Variants in ZC3H12B observed in about 807,000 individuals in gnomAD.
The protein encoded by ZC3H12B is zinc finger CCCH-type containing 12B.
Under a neutral mutation model 43.9 loss-of-function variants are expected in ZC3H12B, and 7 were observed. The observed-to-expected ratio is 0.16, with a 90% confidence interval of 0.09 to 0.30. ZC3H12B has a LOEUF of 0.30. Ranked by LOEUF, ZC3H12B falls within the 10% of genes least tolerant of loss-of-function variation. ZC3H12B has a pLI of 1.00. For missense variants in ZC3H12B, 475 were observed against 670.2 expected (o/e 0.71, Z 3.22); for synonymous variants, 222 against 241.7 (o/e 0.92, Z 0.76).
At chrX:65,184,949 C>T in the ZC3H12B span, 1 of 111,442 alleles carries the variant, frequency 9.0e-6, no homozygotes, top group African/African-American at 3.3e-5. Flanking sequence ...GTATATATTA[C>T]TTTCTTCATT....
chrX:65,499,540 A>G (rs2068336528), intron 3 of ZC3H12B, among the ~76,000 whole-genome samples: 2 of 111,623 alleles, frequency 1.8e-5, no homozygotes, highest in South Asian at 7.6e-4. Context: ...AAGTTTACAG[A>G]TGGAGGAAAG....
the ZC3H12B span, among the ~76,000 whole-genome samples, chrX:65,166,277 G>C: frequency 9.0e-6 from 1 of 110,902 alleles, no homozygotes; most frequent in Non-Finnish European, 1.9e-5. Flanking sequence ...TCCAACCTAT[G>C]AGTGAGAACA....
chrX:65,094,312 A>G, the ZC3H12B span, among the ~76,000 whole-genome samples: 21 of 108,272 alleles, frequency 1.9e-4, no homozygotes, highest in Non-Finnish European at 3.6e-4. Context: ...CTTTATAGCA[A>G]TTCGAGTACT....
chrX:65,252,575 G>C, the ZC3H12B span, among the ~76,000 whole-genome samples: 10 of 111,838 alleles, frequency 8.9e-5, no homozygotes, highest in African/African-American at 3.2e-4. Context: ...CATCAAGCAA[G>C]TGGTAGGGCT....
chrX:65,059,066 G>C, the ZC3H12B span, among the ~76,000 whole-genome samples: 1 of 111,620 alleles, frequency 9.0e-6, no homozygotes, highest in Non-Finnish European at 1.9e-5. Flanking sequence ...CACGCTTGGT[G>C]CACTGCACCC....
the ZC3H12B span, among the ~76,000 whole-genome samples, chrX:65,218,518 G>C: frequency 1.8e-5 from 2 of 111,374 alleles, no homozygotes; most frequent in African/African-American, 6.5e-5. Context: ...AGGCTGCATG[G>C]GAGCTGGGTG....
chrX:65,416,737 C>T (rs1249570025), intron 3 of ZC3H12B, among the ~76,000 whole-genome samples: 5 of 107,296 alleles, frequency 4.7e-5, no homozygotes, highest in Non-Finnish European at 9.6e-5. Flanking sequence ...TGCAGTGAGC[C>T]GAGATCCCGC....
At chrX:65,123,527 T>A in the ZC3H12B span, among the ~76,000 whole-genome samples, 1 of 110,614 alleles carries the variant, frequency 9.0e-6, no homozygotes, top group Non-Finnish European at 1.9e-5. Context: ...ATGATGGTGG[T>A]ATTTTGATTC....
chrX:65,403,560 A>T (rs998132646), intron 3 of ZC3H12B, among the ~76,000 whole-genome samples: 2 of 112,235 alleles, frequency 1.8e-5, no homozygotes, highest in Non-Finnish European at 3.8e-5. Flanking sequence ...GGATAAAAAA[A>T]GGATGCTTAA....
the ZC3H12B span, among the ~76,000 whole-genome samples, chrX:65,100,987 A>T: frequency 8.9e-6 from 1 of 111,755 alleles, no homozygotes; most frequent in Non-Finnish European, 1.9e-5. Context: ...TCGACCTCAT[A>T]GTTGGAAGTA....
the ZC3H12B span, among the ~76,000 whole-genome samples, chrX:65,135,514 ATATATTATAATGGATATATT>A: frequency 2.8e-5 from 3 of 107,612 alleles, no homozygotes; most frequent in South Asian, 1.1e-3. Context: ...TAATTATAAT[ATATATTATAATGGATATATT>A]TGAGCTTATT....
At chrX:65,504,329 A>C (rs1401016686) in exon 5 of ZC3H12B, 1 of 112,542 alleles carries the variant, frequency 8.9e-6, no homozygotes, top group Non-Finnish European at 1.9e-5. Context: ...GTCACATTTC[A>C]TAGTTTTAAC....
At chrX:65,458,063 A>T (rs1175551192) in intron 3 of ZC3H12B, among the ~76,000 whole-genome samples, 6 of 53,239 alleles carry the variant, frequency 1.1e-4, no homozygotes, top group Admixed American at 3.4e-4. Context: ...AATGATCAAT[A>T]AAAAAAAAAA....
chrX:65,306,235 G>T, the ZC3H12B span, among the ~76,000 whole-genome samples: 1 of 112,290 alleles, frequency 8.9e-6, no homozygotes, highest in African/African-American at 3.2e-5. Context: ...TGTTGGCTAG[G>T]TTATGGAACA....
At chrX:65,317,727 TGAG>T in the ZC3H12B span, among the ~76,000 whole-genome samples, 3 of 105,286 alleles carry the variant, frequency 2.8e-5, no homozygotes, top group Non-Finnish European at 5.8e-5. Context: ...TTTTTATAGT[TGAG>T]TAGTATCCTA....
At chrX:65,151,208 A>G in the ZC3H12B span, among the ~76,000 whole-genome samples, 1 of 112,144 alleles carries the variant, frequency 8.9e-6, no homozygotes, top group Admixed American at 9.5e-5. Context: ...AATTAGGGTT[A>G]CATTTCTTCC....
chrX:65,231,156 C>G, the ZC3H12B span, among the ~76,000 whole-genome samples: 1 of 110,830 alleles, frequency 9.0e-6, no homozygotes, highest in Admixed American at 9.7e-5. Flanking sequence ...ATGATGACAA[C>G]CCCGAGCCAC....
chrX:65,416,002 C>T (rs937638013), intron 3 of ZC3H12B, among the ~76,000 whole-genome samples: 1 of 111,723 alleles, frequency 9.0e-6, no homozygotes, highest in Non-Finnish European at 1.9e-5. Context: ...AAAATTGATC[C>T]TTGATGAAAA....
chrX:65,093,344 G>T, the ZC3H12B span, among the ~76,000 whole-genome samples: 3 of 112,060 alleles, frequency 2.7e-5, no homozygotes, highest in Admixed American at 1.9e-4. Flanking sequence ...TTCCCACTGG[G>T]TCACTGCCTG....
Sources: allele counts gnomAD v4.1 joint callset (sites outside exome capture counted in the v4.1 genomes callset), GRCh38; gene constraint gnomAD v4.1.1; transcripts MANE v1.5; gene names NCBI Gene and HGNC (gene_info 2026-07-23, HGNC 2026-07-21).